Variants in NTAQ1 observed in about 807,000 individuals in gnomAD.
NTAQ1 encodes the protein N-terminal glutamine amidase 1, also known as protein N-terminal glutamine amidohydrolase.
A neutral mutation model predicts 28.2 loss-of-function variants in NTAQ1; 21 were observed. The observed-to-expected ratio is 0.74, with a 90% confidence interval of 0.53 to 1.07. NTAQ1 has a LOEUF of 1.07. Ranked by LOEUF, NTAQ1 falls within the 50% of genes least tolerant of loss-of-function variation. The pLI, the probability that NTAQ1 is intolerant of heterozygous loss-of-function variation, is 0.00. For synonymous variants in NTAQ1, 105 were observed against 90.0 expected, an observed-to-expected ratio of 1.17 and a Z score of -0.94; for missense variants, 264 against 256.6, an observed-to-expected ratio of 1.03 and a Z score of -0.20.
At chr8:123,429,891 AAAAAAATCCC>A in intron 2 of NTAQ1, 82 bp from the exon 3 acceptor site, 1 of 623,778 alleles carries the variant, frequency 1.6e-6, no homozygotes, top group Non-Finnish European at 2.4e-6. Context: ...AAAAAAAAAA[AAAAAAATCCC>A]GTCTCAAAAA....
In NTAQ1 at chr8:123,418,128, T is replaced by C. The variant is rs555323188; in HGVS notation, c.83+1196T>C. 3.3e-5 allele frequency among the ~76,000 whole-genome samples: 5 copies of C among 152,288 alleles called. No homozygotes were observed. The South Asian group carries it at 1.0e-3, about 32-fold the overall frequency. On this transcript the variant is annotated intron_variant, in intron 1 of 5. Coordinates refer to ENST00000287387, the MANE Select transcript of NTAQ1 (RefSeq NM_018024.3). ...TGAACAAAATCGACAAATTCCCTCA[T>C]GGATCCCTTGGTTCTTTCATTTTGA... is the stretch of plus-strand genomic sequence containing the variant.
chr8:123,432,414 CA>C (rs920340512), intron 3 of NTAQ1, among the ~76,000 whole-genome samples: 32 of 152,030 alleles, frequency 2.1e-4, no homozygotes, highest in African/African-American at 7.7e-4. Context: ...CAGAGGCAGG[CA>C]GATCCCATGA....
At chr8:123,455,421 A>AT (rs925294146) in intron 6 of NTAQ1, among the ~76,000 whole-genome samples, 1,349 of 115,404 alleles carry the variant, frequency 0.012, 13 homozygotes, top group South Asian at 0.033. Flanking sequence ...ATGCCCAGAA[A>AT]TTTTTTTTTT....
chr8:123,445,635 G>T (rs10956132), downstream of NTAQ1, among the ~76,000 whole-genome samples: 151,329 of 152,282 alleles, frequency 0.99, 75,194 homozygotes, highest in East Asian at 1. Context: ...AGACAGAGTC[G>T]CACTCTGTTG....
At chr8:123,475,089 T>G in the NTAQ1 span, among the ~76,000 whole-genome samples, 1 of 152,224 alleles carries the variant, frequency 6.6e-6, no homozygotes, top group Non-Finnish European at 1.5e-5. Context: ...CTCATTTATT[T>G]TTTTATATCA....
rs1425027702 is a variant in NTAQ1 at position 123,429,293 on chromosome 8, T to C, written c.184-690T>C. Among the ~76,000 whole-genome samples the C allele has an allele frequency of 3.3e-5, 5 of 152,344 alleles. No homozygotes were observed. The East Asian group carries it at 9.6e-4, about 29-fold the overall frequency. On this transcript the variant is annotated intron_variant, in intron 2 of 5. Coordinates refer to ENST00000287387, the MANE Select transcript of NTAQ1 (RefSeq NM_018024.3). The stretch of plus-strand genomic sequence containing the variant: ...ACCATCATACAATAACTAGTGCTCT[T>C]GAGAGCTTTCATTGTTGGGGATACT...
chr8:123,422,279 T>G (rs908826906), intron 1 of NTAQ1, among the ~76,000 whole-genome samples: 1 of 127,676 alleles, frequency 7.8e-6, no homozygotes, highest in African/African-American at 3.0e-5. Context: ...TTTTTTGTTT[T>G]GGGTTTTTTT....
At chr8:123,433,518 G>C (rs933856127) in intron 3 of NTAQ1, among the ~76,000 whole-genome samples, 12 of 152,132 alleles carry the variant, frequency 7.9e-5, no homozygotes, top group Non-Finnish European at 1.5e-4. Context: ...CATGATCTTA[G>C]CTCAGTGCAA....
intron 1 of NTAQ1, among the ~76,000 whole-genome samples, chr8:123,424,959 C>T (rs150880718): frequency 3.5e-3 from 527 of 152,218 alleles, no homozygotes; most frequent in Middle Eastern, 6.8e-3. Flanking sequence ...AAGGTATTTG[C>T]GGTAAACTCC....
At chr8:123,456,264 A>G (rs1815648019) in intron 6 of NTAQ1, among the ~76,000 whole-genome samples, 1 of 152,112 alleles carries the variant, frequency 6.6e-6, no homozygotes, top group South Asian at 2.1e-4. Flanking sequence ...TATTGAGAGA[A>G]CTTATATATT....
In NTAQ1 at chr8:123,447,812, AC is replaced by A. The variant is rs1284168247; in HGVS notation, c.*83-233del. 2.6e-5 allele frequency among the ~76,000 whole-genome samples: 4 copies of A among 152,208 alleles called. No homozygotes were observed. The South Asian group carries it at 8.3e-4, about 31-fold the overall frequency. On this transcript the variant is annotated intron_variant, in intron 6 of 6. Coordinates refer to the NTAQ1 transcript ENST00000524254. ...AAAAAACAAAAAACAACTCTGCAAAACCAAGAGCTGGTAGATTTGGCCCTTG... is the reference window on the plus strand; with the variant it reads ...AAAAAACAAAAAACAACTCTGCAAAACAAGAGCTGGTAGATTTGGCCCTTG...
chr8:123,455,160 C>G (rs1815611251), intron 6 of NTAQ1: 1 of 152,222 alleles, frequency 6.6e-6, no homozygotes, highest in African/African-American at 2.4e-5. Context: ...ATAGCTCAGC[C>G]TTGGTCTCCA....
chr8:123,431,798 G>A (rs558412464), intron 3 of NTAQ1, among the ~76,000 whole-genome samples: 1 of 152,324 alleles, frequency 6.6e-6, no homozygotes, highest in African/African-American at 2.4e-5. Flanking sequence ...TGCACAGGAA[G>A]CATCTTCCTG....
chr8:123,420,591 T>C (rs1157572579), intron 1 of NTAQ1, among the ~76,000 whole-genome samples: 1 of 16,058 alleles, frequency 6.2e-5, no homozygotes, highest in Non-Finnish European at 1.1e-4. Context: ...ATTTTTTGCC[T>C]TTTTTTTTTT....
chr8:123,439,748 C>G (rs546669766), intron 5 of NTAQ1, among the ~76,000 whole-genome samples: 1 of 152,132 alleles, frequency 6.6e-6, no homozygotes, highest in East Asian at 2.0e-4. Context: ...CCTTGGCCTC[C>G]CAAAGTGCTG....
chr8:123,449,503 G>T (rs1017494243), downstream of NTAQ1, among the ~76,000 whole-genome samples: 1 of 152,092 alleles, frequency 6.6e-6, no homozygotes, highest in Non-Finnish European at 1.5e-5. Context: ...ATCACTTGAG[G>T]CCAGGAGTTC....
chr8:123,431,200 G>A (rs1814368930), intron 3 of NTAQ1, among the ~76,000 whole-genome samples: 1 of 152,206 alleles, frequency 6.6e-6, no homozygotes, highest in South Asian at 2.1e-4. Context: ...AGCTGGGTGT[G>A]ATGGCGTGTG....
intron 6 of NTAQ1, among the ~76,000 whole-genome samples, chr8:123,465,763 G>A (rs1360807237): frequency 2.0e-5 from 3 of 151,690 alleles, no homozygotes; most frequent in Non-Finnish European, 2.9e-5. Context: ...TGTGTTTTCA[G>A]TAGAGATGGG....
chr8:123,464,742 C>T (rs1296634145), intron 6 of NTAQ1, among the ~76,000 whole-genome samples: 1 of 152,128 alleles, frequency 6.6e-6, no homozygotes, highest in Non-Finnish European at 1.5e-5. Context: ...GAGAGTGTTT[C>T]CTGGGACTTA....
Sources: gnomAD v4.1 joint callset for allele counts (sites outside exome capture counted in the v4.1 genomes callset) on GRCh38, gnomAD v4.1.1 for gene constraint, MANE v1.5 for transcripts, NCBI Gene and HGNC (gene_info 2026-07-23, HGNC 2026-07-21) for gene names.